The following DCUN1D2 variants were observed in gnomAD, a reference collection of about 807,000 sequenced individuals.
DCUN1D2 encodes defective in cullin neddylation 1 domain containing 2.
A neutral mutation model predicts 30.9 loss-of-function variants in DCUN1D2; 29 were observed. The observed-to-expected ratio is 0.94, with a 90% CI of 0.70 to 1.28. The LOEUF (loss-of-function observed/expected upper bound fraction) is 1.28, where lower values mean the gene tolerates loss of function less well. DCUN1D2 is among the 50% of genes most tolerant of loss of function. The probability of loss-of-function intolerance (pLI) is 0.00; values close to 1 mark genes in which losing one functional copy is unlikely to be tolerated. For synonymous variants in DCUN1D2, 121 were observed against 115.3 expected, an observed-to-expected ratio of 1.05 and a Z score of -0.32; for missense variants, 325 against 316.9, an observed-to-expected ratio of 1.03 and a Z score of -0.19.
At chr13:113,471,477 C>A (rs112404328) in intron 4 of DCUN1D2, among the ~76,000 whole-genome samples, 13 of 152,316 alleles carry the variant, frequency 8.5e-5, no homozygotes, top group African/African-American at 3.1e-4. Context: ...AATGCTTAAA[C>A]CTATAATTCA....
intron 4 of DCUN1D2, among the ~76,000 whole-genome samples, chr13:113,472,899 G>A (rs1263197540): frequency 2.0e-5 from 3 of 152,156 alleles, no homozygotes; most frequent in Non-Finnish European, 2.9e-5. Flanking sequence ...GCCGAGACGC[G>A]TCTCAGCACC....
chr13:113,465,360 T>G (rs747130776), intron 4 of DCUN1D2, among the ~76,000 whole-genome samples: 1 of 152,332 alleles, frequency 6.6e-6, no homozygotes, highest in African/African-American at 2.4e-5. Flanking sequence ...AAGTAAAGCA[T>G]GACCCAGACT....
At chr13:113,477,780 C>T (rs760653663) in intron 3 of DCUN1D2, among the ~76,000 whole-genome samples, 8 of 148,520 alleles carry the variant, frequency 5.4e-5, no homozygotes, top group African/African-American at 7.5e-5. Context: ...TCCTTTTTTT[C>T]CTGTTGTTAA....
chr13:113,476,728 A>G (rs914363150), intron 3 of DCUN1D2, among the ~76,000 whole-genome samples: 1 of 152,200 alleles, frequency 6.6e-6, no homozygotes, highest in Non-Finnish European at 1.5e-5. Flanking sequence ...ATCCTATTTC[A>G]TAGTCATAAA....
intron 6 of DCUN1D2, 91 bp from the exon 7 acceptor site, chr13:113,458,199 C>T: frequency 9.2e-7 from 1 of 1,083,080 alleles, no homozygotes; most frequent in Non-Finnish European, 1.4e-6. Context: ...ATTTACACTT[C>T]AAGAACCCAA....
At position 113,459,311 on chromosome 13, in the gene DCUN1D2, C is replaced by G; in HGVS notation, c.700+1G>C. ...ATCATCTGAAGCACAACTTCCGGTA[C>G]CTTCTTCATCGTAGTTAGACATATC... On this transcript the variant is annotated splice_donor_variant, in intron 6 of 6. Coordinates refer to ENST00000478244, the MANE Select transcript of DCUN1D2 (RefSeq NM_001014283.2). LOFTEE classifies it high-confidence loss of function. The G allele has an allele frequency of 6.5e-7, 1 of 1,540,982 alleles. No homozygotes were observed. Among genetic ancestry groups the G allele is most frequent in the Non-Finnish European group, 9.0e-7 (1 of 1,113,572 alleles).
chr13:113,480,764 A>G (rs780467596), intron 2 of DCUN1D2, 21 bp from the exon 3 acceptor site: 1 of 1,612,296 alleles, frequency 6.2e-7, no homozygotes, highest in Non-Finnish European at 8.5e-7. Context: ...TATCAGGGGA[A>G]AAGGAAGTTA....
Position 113,490,698 on chromosome 13 carries a change from C to T in DCUN1D2, c.-29G>A, listed in dbSNP as rs2044957333. 5 of 1,217,722 alleles carry T rather than the reference C, an allele frequency of 4.1e-6. No homozygotes were observed. Among genetic ancestry groups the T allele is most frequent in the Non-Finnish European group, 5.1e-6 (5 of 977,798 alleles). 75.4% of individuals were successfully genotyped at this position (1,217,722 alleles called of 1,614,324 possible). A position where few individuals can be genotyped will look rare whatever the true frequency, so the allele number is the denominator to read the frequency against. ...CCCCGCGCCGCCCGCTTCTGGCCGG[C>T]CCCGGCCTTCTGCGCAGGCGCGGCG... is the stretch of plus-strand genomic sequence containing the variant. On this transcript the variant is annotated 5_prime_UTR_variant, in exon 1 of 7. Transcript: ENST00000478244. The surrounding 1 kb of genome is among the most constrained non-coding windows in gnomAD (Gnocchi z 5.2).
chr13:113,471,726 A>G (rs1463969879), intron 4 of DCUN1D2, among the ~76,000 whole-genome samples: 1 of 152,232 alleles, frequency 6.6e-6, no homozygotes, highest in Non-Finnish European at 1.5e-5. Context: ...ATAACGATCT[A>G]CGCCAGAAGA....
At chr13:113,463,853 G>T (rs2044359435) in intron 4 of DCUN1D2, among the ~76,000 whole-genome samples, 1 of 151,990 alleles carries the variant, frequency 6.6e-6, no homozygotes, top group South Asian at 2.1e-4. Context: ...GGAAATAAAG[G>T]GTAATCTGTG....
chr13:113,472,180 C>G (rs532578578), intron 4 of DCUN1D2, among the ~76,000 whole-genome samples: 15 of 151,888 alleles, frequency 9.9e-5, no homozygotes, highest in Non-Finnish European at 1.8e-4. Flanking sequence ...CACCTGTGCC[C>G]GTGAGAACCA....
Position 113,455,885 on chromosome 13 carries a change from C to T in DCUN1D2, c.*2144G>A. 4.5e-6 allele frequency: 1 copy of T among 220,052 alleles called. No individual in the cohort carries two copies. Among genetic ancestry groups the T allele is most frequent in the Non-Finnish European group, 8.8e-6 (1 of 113,916 alleles). 13.6% of individuals were successfully genotyped at this position (220,052 alleles called of 1,614,324 possible). A position where few individuals can be genotyped will look rare whatever the true frequency, so the allele number is the denominator to read the frequency against. ...ACAGCATGCAGGACTCAAATGGATACAACAGAAGAAAAAAACCCACAATTT... is the reference window on the plus strand; with the variant it reads ...ACAGCATGCAGGACTCAAATGGATATAACAGAAGAAAAAAACCCACAATTT... On this transcript the variant is annotated 3_prime_UTR_variant, in exon 7 of 7. Coordinates refer to ENST00000478244, the MANE Select transcript of DCUN1D2 (RefSeq NM_001014283.2).
intron 4 of DCUN1D2, among the ~76,000 whole-genome samples, chr13:113,469,119 C>T (rs1289230685): frequency 1.3e-5 from 2 of 148,634 alleles, no homozygotes; most frequent in Non-Finnish European, 3.0e-5. Context: ...ACAGCAAAGC[C>T]GACATTTCTG....
chr13:113,490,656 G>A lies in DCUN1D2; in HGVS notation c.3+11C>T, dbSNP rs543989112. ...GACCCCGACGGGCAGAGGCGACGCC[G>A]GGCCACCTACCATCTCCCCCGCGCC... On this transcript the variant is annotated intron_variant, in intron 1 of 6. Coordinates refer to ENST00000478244, the MANE Select transcript of DCUN1D2 (RefSeq NM_001014283.2). This position sits in a 1 kb window ranked among gnomAD's most constrained non-coding sequence, Gnocchi z 5.2. 117 of 1,246,758 alleles carry A rather than the reference G, an allele frequency of 9.4e-5. No individual in the cohort carries two copies. The highest frequency in any genetic ancestry group is 4.7e-4 in the African/African-American group (30 of 63,284). The allele number at this position is 1,246,758 out of a possible 1,614,324, so 77.2% of individuals were successfully genotyped here.
intron 4 of DCUN1D2, among the ~76,000 whole-genome samples, chr13:113,465,820 CCA>C (rs1234423849): frequency 1.3e-5 from 2 of 151,968 alleles, no homozygotes; most frequent in Non-Finnish European, 2.9e-5. Context: ...GTGCACACCA[CCA>C]CACCCAGATA....
chr13:113,470,970 G>GGGACCCAACTCTACAGA (rs2044499378), intron 4 of DCUN1D2, among the ~76,000 whole-genome samples: 3 of 107,674 alleles, frequency 2.8e-5, no homozygotes, highest in African/African-American at 1.1e-4. Context: ...AACTCCACAG[G>GGGACCCAACTCTACAGA]GGACCCAACT....
chr13:113,477,417 CG>C (rs1194203828), intron 3 of DCUN1D2, among the ~76,000 whole-genome samples: 1 of 132,876 alleles, frequency 7.5e-6, no homozygotes, highest in Admixed American at 7.0e-5. Context: ...TACATGTTAC[CG>C]TTTTGCTGGT....
intron 4 of DCUN1D2, among the ~76,000 whole-genome samples, chr13:113,473,025 G>A (rs1183169199): frequency 7.1e-5 from 8 of 112,726 alleles, no homozygotes; most frequent in African/African-American, 2.5e-4. Context: ...TCTCTATCCC[G>A]TGTCTCTGCC....
chr13:113,484,563 A>G (rs2044768784), intron 1 of DCUN1D2, among the ~76,000 whole-genome samples: 1 of 152,222 alleles, frequency 6.6e-6, no homozygotes. Context: ...TAGCGTTAAA[A>G]GTAATTTATG....
Sources: allele counts gnomAD v4.1 joint callset (sites outside exome capture counted in the v4.1 genomes callset), GRCh38; gene constraint gnomAD v4.1.1; non-coding constraint Gnocchi (gnomAD v3.1); transcripts MANE v1.5; gene names NCBI Gene and HGNC (gene_info 2026-07-23, HGNC 2026-07-21).